Variants in MICOS10 observed in about 807,000 individuals in gnomAD.
MICOS10 encodes the protein MICOS complex subunit MIC10.
In MICOS10, 5 loss-of-function variants were observed where a neutral mutation model predicts 13.4. The observed-to-expected ratio is 0.37, with a 90% CI of 0.20 to 0.78. The LOEUF (loss-of-function observed/expected upper bound fraction) is 0.78. Among genes scored for constraint, MICOS10 ranks in the 30% least tolerant of loss-of-function variants. The pLI, the probability that MICOS10 is intolerant of heterozygous loss-of-function variation, is 0.47. For missense variants in MICOS10, 101 were observed against 94.6 expected, an observed-to-expected ratio of 1.07 and a Z score of -0.28; for synonymous variants, 35 against 33.6, an observed-to-expected ratio of 1.04 and a Z score of -0.15.
At chr1:19,599,039 TGC>T (rs1439828820) in intron 1 of MICOS10, among the ~76,000 whole-genome samples, 2 of 151,948 alleles carry the variant, frequency 1.3e-5, no homozygotes, top group Non-Finnish European at 2.9e-5. Context: ...CATGAGCCAA[TGC>T]GCCACACTCA....
intron 1 of MICOS10, among the ~76,000 whole-genome samples, chr1:19,599,381 T>G (rs1344661060): frequency 2.0e-5 from 3 of 152,322 alleles, no homozygotes; most frequent in South Asian, 2.1e-4. Context: ...TTAATATTAT[T>G]GTGCTACTGA....
Position 19,608,377 on chromosome 1 carries a change from G to A in MICOS10, c.64+11268G>A, listed in dbSNP as rs569088581. On this transcript the variant is annotated intron_variant, in intron 1 of 3. Coordinates refer to ENST00000322753, the MANE Select transcript of MICOS10 (RefSeq NM_001032363.4). ...ATGTGGCCCAGAGGTGCAAGGAGCT[G>A]GGTATCATTGCCCTACACATCCAAC... is the stretch of plus-strand genomic sequence containing the variant. The A allele has an allele frequency of 1.0e-5, 13 of 1,251,950 alleles. No homozygotes were observed. In the African/African-American group the frequency reaches 1.7e-4, roughly 17 times the overall value. The allele number at this position is 1,251,950 out of a possible 1,614,324, so 77.6% of individuals were successfully genotyped here.
chr1:19,622,257 A>G, intron 2 of MICOS10, 110 bp downstream of exon 2: 1 of 755,180 alleles, frequency 1.3e-6, no homozygotes, highest in South Asian at 1.9e-5. Context: ...TTGCCAACCC[A>G]TCCATTTATG....
chr1:19,599,470 G>A (rs1036368804), intron 1 of MICOS10, among the ~76,000 whole-genome samples: 3 of 152,182 alleles, frequency 2.0e-5, no homozygotes, highest in Admixed American at 6.5e-5. Context: ...TATACATGTG[G>A]AGTAATTAAA....
chr1:19,603,144 A>G lies in MICOS10; in HGVS notation c.64+6035A>G, dbSNP rs560475007. The stretch of plus-strand genomic sequence containing the variant: ...CAGGAGTTCGAGACCAGCCTGGACA[A>G]CATGGCGAAACCCCATCTCTACTAA... On this transcript the variant is annotated intron_variant, in intron 1 of 3. Transcript: ENST00000322753. Among the ~76,000 whole-genome samples, 10 of 152,218 alleles carry G rather than the reference A, an allele frequency of 6.6e-5. No individual in the cohort carries two copies. The East Asian group carries it at 9.6e-4, about 15-fold the overall frequency.
intron 1 of MICOS10, among the ~76,000 whole-genome samples, chr1:19,621,353 G>A (rs2094902670): frequency 6.6e-6 from 1 of 152,152 alleles, no homozygotes; most frequent in South Asian, 2.1e-4. Context: ...TGAGCTGTAT[G>A]GGGAGCACAG....
intron 1 of MICOS10, among the ~76,000 whole-genome samples, chr1:19,600,050 G>A (rs1405231854): frequency 3.3e-5 from 5 of 151,990 alleles, no homozygotes; most frequent in Non-Finnish European, 5.9e-5. Flanking sequence ...CCTCAACAGG[G>A]AATTGACGTA....
chr1:19,625,394 C>T (rs1392862862), intron 3 of MICOS10: 1 of 1,289,062 alleles, frequency 7.8e-7, no homozygotes. Flanking sequence ...CATTTTAGAA[C>T]CTGCTGAAAC....
At chr1:19,603,284 C>T (rs779352928) in intron 1 of MICOS10, among the ~76,000 whole-genome samples, 24 of 152,144 alleles carry the variant, frequency 1.6e-4, no homozygotes, top group Admixed American at 1.6e-3. Flanking sequence ...GAGCCAATAT[C>T]CTGCCATTGC....
chr1:19,600,900 C>T (rs1463076859), intron 1 of MICOS10: 2 of 1,289,410 alleles, frequency 1.6e-6, no homozygotes, highest in African/African-American at 1.5e-5. Context: ...CACACCTGGT[C>T]CATCTTGATA....
chr1:19,617,127 A>G (rs769512722), intron 1 of MICOS10: 11 of 184,180 alleles, frequency 6.0e-5, no homozygotes, highest in Non-Finnish European at 1.0e-4. Context: ...AGTGCTGTAC[A>G]CACTCATTTA....
intron 1 of MICOS10, among the ~76,000 whole-genome samples, chr1:19,604,625 G>C (rs2094828032): frequency 6.6e-6 from 1 of 152,122 alleles, no homozygotes; most frequent in Non-Finnish European, 1.5e-5. Context: ...TCTTATTGTG[G>C]GTCGTGGCTA....
intron 1 of MICOS10, chr1:19,598,103 C>T (rs551410045): frequency 6.6e-6 from 1 of 152,146 alleles, no homozygotes; most frequent in African/African-American, 2.4e-5. Context: ...CTGCCCCATC[C>T]CCAGCCCCTA....
intron 1 of MICOS10, among the ~76,000 whole-genome samples, chr1:19,604,758 A>C (rs1233839401): frequency 6.6e-6 from 1 of 152,188 alleles, no homozygotes; most frequent in Non-Finnish European, 1.5e-5. Context: ...CACACAGGTG[A>C]ATAGGCACTG....
chr1:19,623,581 A>G lies in MICOS10; in HGVS notation c.220A>G (p.Lys74Glu), dbSNP rs748980812. ...APYLLHGKYV[K>E]EQEQ is the part of the protein sequence containing the mutation. ...ATATCTTCTACATGGAAAATATGTC[A>G]AAGTATGTACAGAATATATATTTCT... Residue 74 changes from lysine (K) to glutamate (E), a missense_variant and splice_region_variant, in exon 3 of 4, where the codon AAA becomes GAA. Physicochemically the swap from Lys to Glu is moderately conservative, Grantham distance 56 (BLOSUM62 1). Coordinates refer to ENST00000322753, the MANE Select transcript of MICOS10 (RefSeq NM_001032363.4). 1.3e-6 allele frequency: 2 copies of G among 1,577,982 alleles called. No homozygotes were observed. Among genetic ancestry groups the G allele is most frequent in the Admixed American group, 1.7e-5 (1 of 59,958 alleles).
In MICOS10 at chr1:19,597,080, G is replaced by C. The variant is rs775389207; in HGVS notation, c.35G>C (p.Arg12Pro). The part of the protein sequence containing the change: ...SESELGRKWD[R>P]CLADAVVKIG... The stretch of plus-strand genomic sequence containing the variant: ...TCGGAGCTCGGCAGGAAGTGGGACC[G>C]GTGTCTGGCGGATGCGGTCGTGAAG... The change falls in exon 1 of 4, where the codon CGG (arginine) becomes CCG (proline). Residue 12 changes from arginine to proline, a missense_variant. Physicochemically the swap from Arg to Pro is moderately radical, Grantham distance 103. Transcript: ENST00000322753. The C allele has an allele frequency of 3.8e-6, 6 of 1,599,404 alleles. No individual in the cohort carries two copies. The highest frequency in any genetic ancestry group is 5.1e-6 in the Non-Finnish European group (6 of 1,174,074).
rs1266773125 is a variant in MICOS10 at position 19,626,445 on chromosome 1, T to C, written c.*44T>C. 6.2e-7 allele frequency: 1 copy of C among 1,611,296 alleles called. No individual in the cohort carries two copies. The highest frequency in any genetic ancestry group is 1.3e-5 in the African/African-American group (1 of 74,866). On this transcript the variant is annotated 3_prime_UTR_variant, in exon 4 of 4. Coordinates refer to ENST00000322753, the MANE Select transcript of MICOS10 (RefSeq NM_001032363.4). ...CAGCGGGAGGACAAGAGAAATCATG[T>C]TTATTCCTCAGGAATACTGAAGTGC...
intron 1 of MICOS10, among the ~76,000 whole-genome samples, 184 bp downstream of exon 1, chr1:19,597,293 C>T (rs1218440157): frequency 6.6e-6 from 1 of 152,174 alleles, no homozygotes; most frequent in Non-Finnish European, 1.5e-5. Flanking sequence ...GGGCACAGAC[C>T]CGAGGAGCCG....
chr1:19,611,109 A>T (rs2094859016), intron 1 of MICOS10, among the ~76,000 whole-genome samples: 1 of 151,408 alleles, frequency 6.6e-6, no homozygotes, highest in Admixed American at 6.6e-5. Flanking sequence ...CCACCACCAC[A>T]CCTGGCCACT....
Sources: gnomAD v4.1 joint callset for allele counts (sites outside exome capture counted in the v4.1 genomes callset) on GRCh38, gnomAD v4.1.1 for gene constraint, MANE v1.5 for transcripts, NCBI Gene and HGNC (gene_info 2026-07-23, HGNC 2026-07-21) for gene names.